Variants in LRP2BP observed in about 807,000 individuals in gnomAD.
The protein encoded by LRP2BP is LRP2 binding protein, also known as LRP2-binding protein.
Under a neutral mutation model 45.2 loss-of-function variants are expected in LRP2BP, and 38 were observed. The observed-to-expected ratio is 0.84, with a 90% CI of 0.65 to 1.10. The LOEUF (loss-of-function observed/expected upper bound fraction) is 1.10. LRP2BP is among the 50% of genes least tolerant of loss of function. LRP2BP has a pLI of 0.00. For synonymous variants in LRP2BP, 153 were observed against 153.9 expected (o/e 0.99, Z 0.04); for missense variants, 385 against 418.9 (o/e 0.92, Z 0.71).
In LRP2BP at chr4:185,381,415, A is replaced by T. The variant is rs557266601; in HGVS notation, c.-21-3208T>A. On this transcript the variant is annotated intron_variant, in intron 1 of 8. Coordinates refer to ENST00000505916, the MANE Select transcript of LRP2BP (RefSeq NM_001377440.1). ...AAATTTATACATGTTTTTGTTGCGG[A>T]TAAACATAGTAGTAGTAGTTACTGG... Among the ~76,000 whole-genome samples the T allele has an allele frequency of 2.0e-5, 3 of 152,246 alleles. No individual in the cohort carries two copies. In the East Asian group the frequency reaches 5.8e-4, roughly 29 times the overall value.
chr4:185,373,256 G>A (rs2126793580), intron 6 of LRP2BP, among the ~76,000 whole-genome samples, 177 bp from the exon 7 acceptor site: 1 of 152,322 alleles, frequency 6.6e-6, no homozygotes. Flanking sequence ...ACAGTGTGGA[G>A]GCGAGTTCCT....
Position 185,365,515 on chromosome 4 carries a change from C to G in LRP2BP, c.*1665G>C, listed in dbSNP as rs2095383939. 1 of 151,810 alleles carries G rather than the reference C, an allele frequency of 6.6e-6. No individual in the cohort carries two copies. The highest frequency in any genetic ancestry group is 2.4e-5 in the African/African-American group (1 of 41,300). 9.4% of individuals were successfully genotyped at this position (151,810 alleles called of 1,614,324 possible). A position where few individuals can be genotyped will look rare whatever the true frequency, so the allele number is the denominator to read the frequency against. The stretch of plus-strand genomic sequence containing the variant: ...GGACTACAGGCGTCCGCCATCACGC[C>G]CGGCTAATTTTTGTATTTTTAGTAG... On this transcript the variant is annotated 3_prime_UTR_variant, in exon 9 of 9. Coordinates refer to ENST00000505916, the MANE Select transcript of LRP2BP (RefSeq NM_001377440.1).
chr4:185,378,345 C>T lies in LRP2BP; in HGVS notation c.-21-138G>A, dbSNP rs1009586734. 41 of 1,436,280 alleles carry T rather than the reference C, an allele frequency of 2.9e-5. No homozygotes were observed. In the African/African-American group the frequency reaches 5.7e-4, roughly 20 times the overall value. The allele number at this position is 1,436,280 out of a possible 1,614,324, so 89.0% of individuals were successfully genotyped here. A position where few individuals can be genotyped will look rare whatever the true frequency, so the allele number is the denominator to read the frequency against. ...CTAGATAGAACACCAACCACCAACT[C>T]CAGGACGTGAACATTCTTTACTAGG... On this transcript the variant is annotated intron_variant, in intron 1 of 8. Coordinates refer to ENST00000505916, the MANE Select transcript of LRP2BP (RefSeq NM_001377440.1).
At chr4:185,397,111 A>C, upstream of LRP2BP, 1 of 1,611,514 alleles carries the variant, frequency 6.2e-7, no homozygotes, top group Non-Finnish European at 8.5e-7. Flanking sequence ...GGGACTGGAC[A>C]AAGGTGGGAA....
chr4:185,375,495 TA>T (rs2095432298), intron 4 of LRP2BP, 117 bp downstream of exon 4: 1 of 52,600 alleles, frequency 1.9e-5, no homozygotes, highest in African/African-American at 1.1e-4. Flanking sequence ...AAAATATATA[TA>T]TATATATATA....
chr4:185,392,241 A>T (rs2095490114), intron 1 of LRP2BP, among the ~76,000 whole-genome samples: 3 of 152,240 alleles, frequency 2.0e-5, no homozygotes, highest in Non-Finnish European at 2.9e-5. Flanking sequence ...CCAAGTTCTT[A>T]TCACAACAGT....
At chr4:185,377,790 C>G (rs2095442989) in intron 2 of LRP2BP, 1 of 265,914 alleles carries the variant, frequency 3.8e-6, no homozygotes. Flanking sequence ...CAAGTCAAGC[C>G]TGGCATTGTT....
intron 2 of LRP2BP, chr4:185,377,487 A>G (rs1451759335): frequency 5.9e-6 from 1 of 168,858 alleles, no homozygotes. Flanking sequence ...CACTGCACTC[A>G]AGCCTGGGCA....
chr4:185,375,500 A>ATATG (rs2095432891), intron 4 of LRP2BP, 113 bp downstream of exon 4: 2 of 61,286 alleles, frequency 3.3e-5, no homozygotes, highest in South Asian at 6.0e-4. Context: ...ATATATATAT[A>ATATG]TATATATATA....
intron 1 of LRP2BP, among the ~76,000 whole-genome samples, chr4:185,385,301 CG>C: frequency 6.6e-6 from 1 of 152,098 alleles, no homozygotes; most frequent in East Asian, 1.9e-4. Context: ...AAATACACTC[CG>C]GGATGATTTA....
At chr4:185,373,228 C>T in intron 6 of LRP2BP, 149 bp from the exon 7 acceptor site, 3 of 705,588 alleles carry the variant, frequency 4.3e-6, no homozygotes, top group Non-Finnish European at 7.0e-6. Flanking sequence ...GCATTTCACA[C>T]TAGCACACAT....
chr4:185,375,492 A>ATATATATATATATATATG (rs1398933294), intron 4 of LRP2BP, 121 bp downstream of exon 4: 3 of 54,828 alleles, frequency 5.5e-5, no homozygotes, highest in African/African-American at 3.6e-4. Context: ...AAAAAAATAT[A>ATATATATATATATATATG]TATATATATA....
At chr4:185,374,024 G>A (rs1480416241) in intron 6 of LRP2BP, 111 bp downstream of exon 6, 2 of 838,752 alleles carry the variant, frequency 2.4e-6, no homozygotes, top group African/African-American at 3.5e-5. Flanking sequence ...TACATTTAAA[G>A]GAACTATAAG....
intron 1 of LRP2BP, among the ~76,000 whole-genome samples, chr4:185,383,685 T>A (rs2095462238): frequency 6.6e-6 from 1 of 152,240 alleles, no homozygotes; most frequent in Non-Finnish European, 1.5e-5. Flanking sequence ...GTGTTTAAAC[T>A]GTTGCATAAA....
chr4:185,374,420 T>C lies in LRP2BP; in HGVS notation c.372A>G (p.Pro124=). ...ATTTTAAGTGTCTTGCTTTGGGACATGGAGAATCAAGAATTTTCTTCATAT... is the reference window on the plus strand; with the variant it reads ...ATTTTAAGTGTCTTGCTTTGGGACACGGAGAATCAAGAATTTTCTTCATAT... ...VDYMKKILDS[P]CPKARHLKFA... The change falls in exon 5 of 9, where the codon CCA becomes CCG. Residue 124 remains proline, a synonymous_variant. Transcript: ENST00000505916. 6.2e-7 allele frequency: 1 copy of C among 1,614,116 alleles called. No homozygotes were observed. The highest frequency in any genetic ancestry group is 8.5e-7 in the Non-Finnish European group (1 of 1,180,022).
chr4:185,375,765 G>T, intron 3 of LRP2BP, 39 bp from the exon 4 acceptor site: 1 of 1,388,640 alleles, frequency 7.2e-7, no homozygotes, highest in Non-Finnish European at 1.0e-6. Flanking sequence ...TTTTTATTAT[G>T]ATCTTAAAGT....
rs56883920 is a variant in LRP2BP at position 185,394,264 on chromosome 4, TAAAA to T, written c.-22+511_-22+514del. Among the ~76,000 whole-genome samples, 585 of 121,372 alleles carry T rather than the reference TAAAA, an allele frequency of 4.8e-3. 7 individuals carry two copies. Among genetic ancestry groups the T allele is most frequent in the African/African-American group, 0.017 (530 of 31,778 alleles). The allele number at this position is 121,372 out of a possible 152,430, so 79.6% of individuals were successfully genotyped here. A position where few individuals can be genotyped will look rare whatever the true frequency, so the allele number is the denominator to read the frequency against. Reference sequence around the variant, plus strand: ...AGACAGCGAGATTGTGTTTCAGAGTTAAAAAAAAAAAAAAAAAAAAAGGCCTTTG... The same window carrying T: ...AGACAGCGAGATTGTGTTTCAGAGTTAAAAAAAAAAAAAAAAAGGCCTTTG... On this transcript the variant is annotated intron_variant, in intron 1 of 8. Coordinates refer to ENST00000505916, the MANE Select transcript of LRP2BP (RefSeq NM_001377440.1).
rs1011679599 is a variant in LRP2BP at position 185,388,939 on chromosome 4, G to C, written c.-22+5840C>G. On this transcript the variant is annotated intron_variant, in intron 1 of 8. Transcript: ENST00000505916. ...TCGCCAGGCTGGAGTACAGTGGTGC[G>C]ATCTCGGCTCACTGCAACCTCCGCC... 6.6e-5 allele frequency among the ~76,000 whole-genome samples: 10 copies of C among 151,892 alleles called. No individual in the cohort carries two copies. The South Asian group carries it at 2.1e-3, about 32-fold the overall frequency.
At chr4:185,372,189 C>T (rs74642353) in intron 7 of LRP2BP, among the ~76,000 whole-genome samples, 2,274 of 152,224 alleles carry the variant, frequency 0.015, 29 homozygotes, top group Non-Finnish European at 0.022. Context: ...GAAATGAAGA[C>T]GTAATAAATG....
Sources: gnomAD v4.1 joint callset for allele counts (sites outside exome capture counted in the v4.1 genomes callset) on GRCh38, gnomAD v4.1.1 for gene constraint, MANE v1.5 for transcripts, NCBI Gene and HGNC (gene_info 2026-07-23, HGNC 2026-07-21) for gene names.